COL24A1: variants seen among roughly 807,000 people sequenced by gnomAD.
COL24A1 encodes the protein collagen type XXIV alpha 1 chain, also known as collagen alpha-1(XXIV) chain.
Under a neutral mutation model 253.9 loss-of-function variants are expected in COL24A1, and 224 were observed. The observed-to-expected ratio is 0.88, with a 90% CI of 0.79 to 0.99. The LOEUF (loss-of-function observed/expected upper bound fraction) is 0.99, where lower values mean the gene tolerates loss of function less well. Ranked by LOEUF, COL24A1 falls within the 50% of genes least tolerant of loss-of-function variation. The pLI is 0.00. For synonymous variants in COL24A1, 685 were observed against 673.7 expected (o/e 1.02, Z -0.26); for missense variants, 2,131 against 2,068.5 (o/e 1.03, Z -0.59).
At chr1:85,980,743 C>G (rs1390579828) in intron 20 of COL24A1, among the ~76,000 whole-genome samples, 2 of 152,072 alleles carry the variant, frequency 1.3e-5, no homozygotes, top group Admixed American at 6.5e-5. Flanking sequence ...CCCGTCTCTA[C>G]TAAAAATACA....
intron 43 of COL24A1, 81 bp from the exon 44 acceptor site, chr1:85,823,819 T>A: frequency 7.8e-7 from 1 of 1,284,080 alleles, no homozygotes; most frequent in Non-Finnish European, 1.1e-6. Flanking sequence ...CTTAAAATGG[T>A]AGCAAAGTGT....
intron 3 of COL24A1, among the ~76,000 whole-genome samples, chr1:86,120,418 C>T (rs1706628028): frequency 6.6e-6 from 1 of 152,172 alleles, no homozygotes; most frequent in African/African-American, 2.4e-5. Context: ...TATCCAGAAT[C>T]TACAAATAAC....
Position 85,843,608 on chromosome 1 carries a change from G to GA in COL24A1, c.3463-1216dup, listed in dbSNP as rs541945287. Reference sequence around the variant, plus strand: ...AAAATTAGGGCTGAAAATATGCAAAGAAAAAAATCATTGCAGATGTGCAAG... The same window carrying GA: ...AAAATTAGGGCTGAAAATATGCAAAGAAAAAAAATCATTGCAGATGTGCAAG... On this transcript the variant is annotated intron_variant, in intron 39 of 59. Coordinates refer to ENST00000370571, the MANE Select transcript of COL24A1 (RefSeq NM_152890.7). 1.4e-3 allele frequency among the ~76,000 whole-genome samples: 213 copies of GA among 152,190 alleles called. 1 individual carries two copies. The highest frequency in any genetic ancestry group is 4.8e-3 in the African/African-American group (200 of 41,538).
At position 86,039,004 on chromosome 1, in the gene COL24A1, C is replaced by A. The variant is rs142202614; in HGVS notation, c.1951-5081G>T. Reference sequence around the variant, plus strand: ...CATATTTATTGTTGTTTTAAACCACCAACTTAATTTGTTTCATAGCAATAG... The same window carrying A: ...CATATTTATTGTTGTTTTAAACCACAAACTTAATTTGTTTCATAGCAATAG... On this transcript the variant is annotated intron_variant, in intron 12 of 59. Transcript: ENST00000370571. Among the ~76,000 whole-genome samples, 12 of 152,198 alleles carry A rather than the reference C, an allele frequency of 7.9e-5. No individual in the cohort carries two copies. In the East Asian group the frequency reaches 2.1e-3, roughly 27 times the overall value.
chr1:85,997,517 A>T (rs1473574617), intron 19 of COL24A1, among the ~76,000 whole-genome samples: 1 of 151,986 alleles, frequency 6.6e-6, no homozygotes, highest in African/African-American at 2.4e-5. Context: ...GGGCGCAGTG[A>T]CTCACACCTG....
At chr1:86,076,702 A>G (rs990819943) in intron 7 of COL24A1, among the ~76,000 whole-genome samples, 29 of 152,188 alleles carry the variant, frequency 1.9e-4, no homozygotes. Context: ...ATCTACAACC[A>G]GCTGATCTTT....
rs529125170 is a variant in COL24A1 at position 85,936,921 on chromosome 1, C to T, written c.2562+24328G>A. ...TTAATCACAGGACACCAAATGACTA[C>T]ACATCTGAATCTCCTATAAGCTGAG... On this transcript the variant is annotated intron_variant, in intron 24 of 59. Coordinates refer to ENST00000370571, the MANE Select transcript of COL24A1 (RefSeq NM_152890.7). Among the ~76,000 whole-genome samples the T allele has an allele frequency of 5.4e-5, 8 of 147,304 alleles. 1 individual carries two copies. The South Asian group carries it at 1.7e-3, about 32-fold the overall frequency.
chr1:85,817,827 G>A (rs889644614), intron 46 of COL24A1, among the ~76,000 whole-genome samples: 1 of 152,098 alleles, frequency 6.6e-6, no homozygotes, highest in African/African-American at 2.4e-5. Flanking sequence ...TCCTTCAACT[G>A]CAGGGACTTA....
At chr1:85,911,343 T>C (rs776008289) in intron 25 of COL24A1, 37 bp downstream of exon 25, 1 of 1,545,694 alleles carries the variant, frequency 6.5e-7, no homozygotes, top group Non-Finnish European at 8.9e-7. Flanking sequence ...TAGCCTAGAT[T>C]TCTTCCTATA....
At chr1:86,028,483 C>T (rs758706317) in intron 14 of COL24A1, among the ~76,000 whole-genome samples, 2 of 127,106 alleles carry the variant, frequency 1.6e-5, no homozygotes, top group Non-Finnish European at 3.7e-5. Context: ...GGCATTTCCC[C>T]TGTTTGCATT....
At chr1:85,921,861 A>G (rs1176925785) in intron 24 of COL24A1, among the ~76,000 whole-genome samples, 1 of 152,188 alleles carries the variant, frequency 6.6e-6, no homozygotes, top group Non-Finnish European at 1.5e-5. Flanking sequence ...AGTAATAACA[A>G]ACTTCTCCGA....
chr1:86,047,412 A>G (rs1699989179), intron 11 of COL24A1, among the ~76,000 whole-genome samples: 1 of 152,204 alleles, frequency 6.6e-6, no homozygotes, highest in Non-Finnish European at 1.5e-5. Context: ...AGTAGGGTAC[A>G]GTACTTAAGT....
intron 28 of COL24A1, among the ~76,000 whole-genome samples, chr1:85,897,959 A>G (rs1306807726): frequency 6.6e-6 from 1 of 152,216 alleles, no homozygotes; most frequent in Non-Finnish European, 1.5e-5. Flanking sequence ...GTTCTCATAG[A>G]CTTATTCAAA....
intron 24 of COL24A1, among the ~76,000 whole-genome samples, chr1:85,957,876 T>C (rs1055242708): frequency 9.2e-5 from 14 of 152,184 alleles, no homozygotes; most frequent in African/African-American, 2.7e-4. Context: ...GTAATAAACA[T>C]GGTCCTAAAT....
At chr1:85,977,818 G>A (rs781318802) in intron 20 of COL24A1, among the ~76,000 whole-genome samples, 14 of 152,258 alleles carry the variant, frequency 9.2e-5, no homozygotes, top group Non-Finnish European at 1.9e-4. Flanking sequence ...GGAAATAATC[G>A]AAGAAAACCT....
At chr1:86,102,875 C>T (rs903403510) in intron 5 of COL24A1, among the ~76,000 whole-genome samples, 8 of 152,126 alleles carry the variant, frequency 5.3e-5, no homozygotes, top group Admixed American at 1.3e-4. Flanking sequence ...GTGGTGAGTT[C>T]TGTAGATGTC....
At chr1:85,981,094 CA>C (rs1352661454) in intron 20 of COL24A1, among the ~76,000 whole-genome samples, 2 of 152,106 alleles carry the variant, frequency 1.3e-5, no homozygotes, top group African/African-American at 2.4e-5. Flanking sequence ...TCTACAAATT[CA>C]ATGCAATTCT....
At chr1:85,781,487 C>T (rs1323771997) in intron 51 of COL24A1, among the ~76,000 whole-genome samples, 1 of 152,086 alleles carries the variant, frequency 6.6e-6, no homozygotes, top group Non-Finnish European at 1.5e-5. Flanking sequence ...AGGAGAGTTG[C>T]ATCTGTATAA....
intron 12 of COL24A1, among the ~76,000 whole-genome samples, chr1:86,044,986 T>G (rs1699787935): frequency 6.6e-6 from 1 of 152,164 alleles, no homozygotes; most frequent in South Asian, 2.1e-4. Context: ...TTAATTTATT[T>G]TTATTTTTGT....
Sources: gnomAD v4.1 joint callset for allele counts (sites outside exome capture counted in the v4.1 genomes callset) on GRCh38, gnomAD v4.1.1 for gene constraint, MANE v1.5 for transcripts, NCBI Gene and HGNC (gene_info 2026-07-23, HGNC 2026-07-21) for gene names.